Variants in METAP2 observed in about 807,000 individuals in gnomAD.
The protein encoded by METAP2 is methionine aminopeptidase 2.
METAP2 carries 25 observed loss-of-function variants against 59.4 expected under a neutral mutation model. That is an observed-to-expected ratio of 0.42 (90% CI 0.31 to 0.59). The LOEUF (loss-of-function observed/expected upper bound fraction) is 0.59. Among genes scored for constraint, METAP2 ranks in the 20% least tolerant of loss-of-function variants. The pLI, the probability that METAP2 is intolerant of heterozygous loss-of-function variation, is 0.16. For missense variants in METAP2, 366 were observed against 581.2 expected, an observed-to-expected ratio of 0.63 and a Z score of 3.81; for synonymous variants, 214 against 194.1, an observed-to-expected ratio of 1.10 and a Z score of -0.85.
rs1433136528 is a variant in METAP2, at chr12:95,474,320, G to T, written c.141G>T (p.Gly47=). The change falls in exon 1 of 11, where the codon GGG becomes GGT. Residue 47 remains glycine (G), a synonymous_variant. Transcript: ENST00000323666. ...GACGAAAGAAGAAGAAGAGCAAAGGGCCTTCTGCAGGTAAAGAGAGTTTTA... is the reference window on the plus strand; with the variant it reads ...GACGAAAGAAGAAGAAGAGCAAAGGTCCTTCTGCAGGTAAAGAGAGTTTTA... ...KKRRKKKKSK[G]PSAAGEQEPD... 1 of 1,613,886 alleles carries T rather than the reference G, an allele frequency of 6.2e-7. No individual in the cohort carries two copies. Among genetic ancestry groups the T allele is most frequent in the Non-Finnish European group, 8.5e-7 (1 of 1,179,976 alleles).
intron 9 of METAP2, among the ~76,000 whole-genome samples, chr12:95,512,478 C>G (rs747700170): frequency 2.6e-5 from 4 of 152,184 alleles, no homozygotes; most frequent in Non-Finnish European, 5.9e-5. Flanking sequence ...GACACCAAGG[C>G]AGGCAGATCA....
intron 2 of METAP2, among the ~76,000 whole-genome samples, chr12:95,477,567 G>A (rs11108067): frequency 0.048 from 7,254 of 152,262 alleles, 239 homozygotes; most frequent in Non-Finnish European, 0.07. Context: ...AACAGTGAAG[G>A]AAGAGACAGG....
In METAP2 at chr12:95,514,007, C is replaced by T; in HGVS notation, c.*103C>T. 2 of 1,254,328 alleles carry T rather than the reference C, an allele frequency of 1.6e-6. No individual in the cohort carries two copies. The highest frequency in any genetic ancestry group is 3.3e-5 in the South Asian group (2 of 61,434). 77.7% of individuals were successfully genotyped at this position (1,254,328 alleles called of 1,614,324 possible). ...ATGTTGTCTGTTTTAACAGTGGACC[C>T]ATGTAATACTTTTATCCATGTTTAA... On this transcript the variant is annotated 3_prime_UTR_variant, in exon 11 of 11. Transcript: ENST00000323666.
intron 7 of METAP2, among the ~76,000 whole-genome samples, chr12:95,503,833 A>G (rs2076334829): frequency 2.6e-5 from 4 of 152,192 alleles, no homozygotes; most frequent in African/African-American, 9.7e-5. Flanking sequence ...GTTCCCAAGT[A>G]CTTACATTAG....
At chr12:95,496,238 C>T in intron 7 of METAP2, 140 bp downstream of exon 7, 1 of 535,176 alleles carries the variant, frequency 1.9e-6, no homozygotes, top group Non-Finnish European at 3.3e-6. Context: ...GATCCATTTC[C>T]CTTATGGTTT....
intron 4 of METAP2, 74 bp from the exon 5 acceptor site, chr12:95,493,982 A>T: frequency 8.0e-7 from 1 of 1,257,742 alleles, no homozygotes; most frequent in Non-Finnish European, 1.1e-6. Flanking sequence ...CTGTCTTGTT[A>T]CTTAGTATAG....
At chr12:95,512,202 G>C (rs369665994) in intron 9 of METAP2, among the ~76,000 whole-genome samples, 5 of 152,124 alleles carry the variant, frequency 3.3e-5, no homozygotes, top group African/African-American at 1.2e-4. Flanking sequence ...GCTGTGAAAG[G>C]GTTGTTTATT....
At chr12:95,476,325 G>A in intron 2 of METAP2, 147 bp downstream of exon 2, 8 of 464,812 alleles carry the variant, frequency 1.7e-5, no homozygotes, top group Non-Finnish European at 3.1e-5. Context: ...TGGCCAACAT[G>A]TTGAAACCCC....
intron 7 of METAP2, among the ~76,000 whole-genome samples, chr12:95,500,292 A>G (rs2076305824): frequency 6.6e-6 from 1 of 152,042 alleles, no homozygotes; most frequent in South Asian, 2.1e-4. Flanking sequence ...TTATTCTGAC[A>G]CTTCTTTTGT....
At chr12:95,485,132 AT>A (rs1468693725) in intron 3 of METAP2, among the ~76,000 whole-genome samples, 4 of 152,136 alleles carry the variant, frequency 2.6e-5, no homozygotes, top group Admixed American at 6.5e-5. Context: ...ATACATTATA[AT>A]TTTCGAAGGT....
At position 95,511,413 on chromosome 12, in the gene METAP2, T is replaced by TG. The variant is rs1555193415; in HGVS notation, c.965-481dup. The stretch of plus-strand genomic sequence containing the variant: ...CGTTTTTTTTTTTTTTTTTTTTTTT[T>TG]GAGACGGAGTTGCTTTCGCCCAGGC... On this transcript the variant is annotated intron_variant, in intron 8 of 10. Coordinates refer to ENST00000323666, the MANE Select transcript of METAP2 (RefSeq NM_006838.4). 7.3e-3 allele frequency among the ~76,000 whole-genome samples: 1,038 copies of TG among 142,184 alleles called. 9 individuals are homozygous for TG. Among genetic ancestry groups the TG allele is most frequent in the Non-Finnish European group, 0.013 (836 of 64,602 alleles). 93.3% of individuals were successfully genotyped at this position (142,184 alleles called of 152,430 possible). A position where few individuals can be genotyped will look rare whatever the true frequency, so the allele number is the denominator to read the frequency against.
Position 95,511,625 on chromosome 12 carries a change from C to T in METAP2, c.965-270C>T, listed in dbSNP as rs143350562. Among the ~76,000 whole-genome samples the T allele has an allele frequency of 2.5e-3, 379 of 152,218 alleles. 3 individuals are homozygous for T. The highest frequency in any genetic ancestry group is 9.0e-3 in the African/African-American group (372 of 41,530). On this transcript the variant is annotated intron_variant, in intron 8 of 10. Transcript: ENST00000323666. Reference sequence around the variant, plus strand: ...CAGGCTGGTCTCGAACTCCTGACCTCAGGTGATCCGCTTGCCTCGGCCTCC... The same window carrying T: ...CAGGCTGGTCTCGAACTCCTGACCTTAGGTGATCCGCTTGCCTCGGCCTCC...
intron 7 of METAP2, among the ~76,000 whole-genome samples, chr12:95,497,829 T>G (rs2076286139): frequency 6.6e-6 from 1 of 152,000 alleles, no homozygotes; most frequent in Non-Finnish European, 1.5e-5. Context: ...TTATTTATTT[T>G]TTAATTAAAA....
intron 4 of METAP2, among the ~76,000 whole-genome samples, chr12:95,492,454 C>T (rs888615950): frequency 7.9e-5 from 12 of 152,028 alleles, no homozygotes; most frequent in African/African-American, 1.7e-4. Context: ...TAGACCCTGA[C>T]GCTGGGTTTT....
intron 2 of METAP2, among the ~76,000 whole-genome samples, chr12:95,482,902 A>G (rs893273186): frequency 6.6e-6 from 1 of 152,184 alleles, no homozygotes; most frequent in East Asian, 1.9e-4. Context: ...CCACTTTGCT[A>G]AACTGCTGCT....
intron 2 of METAP2, among the ~76,000 whole-genome samples, chr12:95,482,758 C>T (rs557419863): frequency 1.5e-4 from 23 of 152,288 alleles, no homozygotes; most frequent in South Asian, 4.1e-4. Flanking sequence ...CGCCATTGCA[C>T]TCCAGCCTGG....
intron 2 of METAP2, among the ~76,000 whole-genome samples, chr12:95,477,292 G>A (rs1594408779): frequency 6.6e-6 from 1 of 152,030 alleles, no homozygotes; most frequent in East Asian, 1.9e-4. Context: ...TAGAAATGGG[G>A]TTTTGCCAGG....
chr12:95,492,898 G>A (rs374075619), intron 4 of METAP2, among the ~76,000 whole-genome samples: 17 of 152,148 alleles, frequency 1.1e-4, no homozygotes, highest in African/African-American at 3.6e-4. Flanking sequence ...GTGTTACTTA[G>A]CTTTGCCATT....
chr12:95,487,471 A>G (rs1309022233), intron 4 of METAP2, among the ~76,000 whole-genome samples: 1 of 152,138 alleles, frequency 6.6e-6, no homozygotes. Context: ...TGAAATCGTC[A>G]ATTGTCCCTA....
Sources: gnomAD v4.1 joint callset for allele counts (sites outside exome capture counted in the v4.1 genomes callset) on GRCh38, gnomAD v4.1.1 for gene constraint, MANE v1.5 for transcripts, NCBI Gene and HGNC (gene_info 2026-07-23, HGNC 2026-07-21) for gene names.